Variants in ARHGEF18 observed in about 807,000 individuals in gnomAD.
ARHGEF18 encodes the protein rho guanine nucleotide exchange factor 18.
Under a neutral mutation model 155.7 loss-of-function variants are expected in ARHGEF18, and 93 were observed. That is an observed-to-expected ratio of 0.60 (90% CI 0.50 to 0.71). ARHGEF18 has a LOEUF of 0.71. Ranked by LOEUF, ARHGEF18 falls within the 30% of genes least tolerant of loss-of-function variation. The pLI is 0.00. For missense variants in ARHGEF18, 1,593 were observed against 1,816.1 expected (o/e 0.88, Z 2.23); for synonymous variants, 742 against 753.1 (o/e 0.99, Z 0.24).
Position 7,472,046 on chromosome 19 carries a change from G to C in ARHGEF18, c.*1748G>C, listed in dbSNP as rs1409033430. ...GTACATTCCTGTTCTGTTGTGAAGA[G>C]AACATTCCCAGACCCTGGCACCCTC... On this transcript the variant is annotated 3_prime_UTR_variant, in exon 29 of 29. Coordinates refer to ENST00000668164, the MANE Select transcript of ARHGEF18 (RefSeq NM_001367823.1). 6.6e-6 allele frequency: 1 copy of C among 152,468 alleles called. No homozygotes were observed. Among genetic ancestry groups the C allele is most frequent in the African/African-American group, 2.4e-5 (1 of 41,462 alleles). 9.4% of individuals were successfully genotyped at this position (152,468 alleles called of 1,614,324 possible). A position where few individuals can be genotyped will look rare whatever the true frequency, so the allele number is the denominator to read the frequency against.
intron 10 of ARHGEF18, chr19:7,439,880 G>C: frequency 1.4e-6 from 2 of 1,450,506 alleles, no homozygotes; most frequent in Non-Finnish European, 1.8e-6. Context: ...AGCCTGGAGG[G>C]GTTGTTTTTT....
At chr19:7,398,103 C>T (rs952056329) in intron 10 of ARHGEF18, among the ~76,000 whole-genome samples, 11 of 152,084 alleles carry the variant, frequency 7.2e-5, no homozygotes, top group African/African-American at 2.7e-4. Context: ...GAGACGGTCT[C>T]GCTCTGGCGC....
In ARHGEF18 at chr19:7,439,690, ACACCATGCCCTGCCATCTCTGGGTC is replaced by A. The variant is rs1162670217; in HGVS notation, c.968-653_968-629del. 5.7e-6 allele frequency: 7 copies of A among 1,235,190 alleles called. No individual in the cohort carries two copies. The Admixed American group carries it at 2.4e-4, about 42-fold the overall frequency. 76.5% of individuals were successfully genotyped at this position (1,235,190 alleles called of 1,614,324 possible). A position where few individuals can be genotyped will look rare whatever the true frequency, so the allele number is the denominator to read the frequency against. ...AGTGCTGATGACCAGGGGCGGCTAAACACCATGCCCTGCCATCTCTGGGTCTTAGAGTCACCCTAACATCTGATCT... is the reference window on the plus strand; with the variant it reads ...AGTGCTGATGACCAGGGGCGGCTAAATTAGAGTCACCCTAACATCTGATCT... On this transcript the variant is annotated intron_variant, in intron 10 of 28. Coordinates refer to ENST00000668164, the MANE Select transcript of ARHGEF18 (RefSeq NM_001367823.1).
intron 12 of ARHGEF18, 40 bp downstream of exon 12, chr19:7,441,805 C>T (rs755266732): frequency 1.2e-6 from 2 of 1,613,212 alleles, no homozygotes; most frequent in Middle Eastern, 1.6e-4. Context: ...CCACACAGTT[C>T]CTGTCTCTCC....
At chr19:7,358,967 CA>C (rs1969436050) in intron 1 of ARHGEF18, among the ~76,000 whole-genome samples, 1 of 152,176 alleles carries the variant, frequency 6.6e-6, no homozygotes, top group Non-Finnish European at 1.5e-5. Flanking sequence ...CATGGATCAG[CA>C]AACCTTTTCT....
intron 10 of ARHGEF18, among the ~76,000 whole-genome samples, chr19:7,387,449 G>A (rs1006744035): frequency 6.6e-6 from 1 of 152,100 alleles, no homozygotes; most frequent in African/African-American, 2.4e-5. Context: ...ACCGCGCCCA[G>A]CGCTGTTTTT....
intron 10 of ARHGEF18, among the ~76,000 whole-genome samples, chr19:7,436,864 A>C (rs11667083): frequency 0.4 from 61,250 of 151,988 alleles, 12,989 homozygotes; most frequent in East Asian, 0.6. Flanking sequence ...TTTGTGAGTG[A>C]CATCTTCAAT....
At chr19:7,404,204 G>A (rs1433587868) in intron 10 of ARHGEF18, among the ~76,000 whole-genome samples, 2 of 152,154 alleles carry the variant, frequency 1.3e-5, no homozygotes, top group Non-Finnish European at 2.9e-5. Context: ...CCTTGCCAGA[G>A]GCAGGTACGG....
At chr19:7,361,946 C>T (rs1969565307) in intron 1 of ARHGEF18, among the ~76,000 whole-genome samples, 1 of 150,458 alleles carries the variant, frequency 6.6e-6, no homozygotes, top group South Asian at 2.1e-4. Flanking sequence ...GAGCTGAGAT[C>T]ACGCCACTGC....
chr19:7,375,306 A>G (rs1389133477), intron 3 of ARHGEF18, among the ~76,000 whole-genome samples: 1 of 148,198 alleles, frequency 6.7e-6, no homozygotes, highest in East Asian at 2.0e-4. Flanking sequence ...AAGAAAGAAA[A>G]GAAAGAAAAA....
rs370608642 is a variant in ARHGEF18, at chr19:7,362,155, G to A, written c.-110-626G>A. Among the ~76,000 whole-genome samples the A allele has an allele frequency of 8.0e-4, 30 of 37,626 alleles. 1 individual carries two copies. The highest frequency in any genetic ancestry group is 3.9e-3 in the African/African-American group (18 of 4,580). 24.7% of individuals were successfully genotyped at this position (37,626 alleles called of 152,430 possible). A position where few individuals can be genotyped will look rare whatever the true frequency, so the allele number is the denominator to read the frequency against. Reference sequence around the variant, plus strand: ...GGAGAAGGAGAAGGAGAAGGAGAAGGAGGAGAAGAAGGAGAAGAAGGAGAA... The same window carrying A: ...GGAGAAGGAGAAGGAGAAGGAGAAGAAGGAGAAGAAGGAGAAGAAGGAGAA... On this transcript the variant is annotated intron_variant, in intron 1 of 28. Coordinates refer to ENST00000668164, the MANE Select transcript of ARHGEF18 (RefSeq NM_001367823.1).
intron 10 of ARHGEF18, among the ~76,000 whole-genome samples, chr19:7,424,918 C>T (rs1327737881): frequency 1.3e-5 from 2 of 150,988 alleles, no homozygotes; most frequent in African/African-American, 2.4e-5. Flanking sequence ...CGCTGGAACC[C>T]GGGAGGCAGA....
intron 10 of ARHGEF18, among the ~76,000 whole-genome samples, chr19:7,400,566 C>T (rs1464653622): frequency 1.3e-5 from 2 of 152,138 alleles, no homozygotes; most frequent in Non-Finnish European, 2.9e-5. Context: ...GGCACAGCAG[C>T]TCACACCTGT....
At chr19:7,411,083 A>C (rs1460162390) in intron 10 of ARHGEF18, among the ~76,000 whole-genome samples, 2 of 152,050 alleles carry the variant, frequency 1.3e-5, no homozygotes, top group Non-Finnish European at 2.9e-5. Flanking sequence ...AAATAGTGTG[A>C]AATTTGCACA....
At chr19:7,405,693 C>T (rs1404215859) in intron 10 of ARHGEF18, among the ~76,000 whole-genome samples, 1 of 152,150 alleles carries the variant, frequency 6.6e-6, no homozygotes, top group African/African-American at 2.4e-5. Flanking sequence ...TCACTGCAAC[C>T]TCTACCTGCC....
At chr19:7,383,714 C>T (rs1970855399) in intron 10 of ARHGEF18, among the ~76,000 whole-genome samples, 1 of 151,910 alleles carries the variant, frequency 6.6e-6, no homozygotes, top group African/African-American at 2.4e-5. Flanking sequence ...TAGGGGCCCA[C>T]CACACTCCAG....
chr19:7,467,681 C>T lies in ARHGEF18; in HGVS notation c.3477C>T (p.Ala1159=), dbSNP rs1976741234. Residue 1159 remains alanine, a synonymous_variant, in exon 26 of 29, where the codon GCC becomes GCT. Transcript: ENST00000668164. The part of the protein sequence containing the change: ...APGALPPDTL[A]EAQPPSHPPS... ...GCGCGCTGCCGCCCGACACACTGGCCGAGGTGAGCGCGCAGCAGCCAGTGT... is the reference window on the plus strand; with the variant it reads ...GCGCGCTGCCGCCCGACACACTGGCTGAGGTGAGCGCGCAGCAGCCAGTGT... The T allele has an allele frequency of 6.7e-7, 1 of 1,497,712 alleles. No homozygotes were observed. The highest frequency in any genetic ancestry group is 8.8e-7 in the Non-Finnish European group (1 of 1,132,476). 92.8% of individuals were successfully genotyped at this position (1,497,712 alleles called of 1,614,324 possible). A position where few individuals can be genotyped will look rare whatever the true frequency, so the allele number is the denominator to read the frequency against.
chr19:7,415,781 G>A (rs8103234), intron 10 of ARHGEF18, among the ~76,000 whole-genome samples: 17,404 of 151,982 alleles, frequency 0.11, 2,003 homozygotes, highest in African/African-American at 0.3. Context: ...CAAAACTACA[G>A]TTGAGCCTTG....
At chr19:7,476,976 G>C (rs1977244674), downstream of ARHGEF18, 1 of 414,034 alleles carries the variant, frequency 2.4e-6, no homozygotes, top group Non-Finnish European at 4.2e-6. Flanking sequence ...CCAGCTGGCA[G>C]GCAGGAGGTG....
Sources: gnomAD v4.1 joint callset for allele counts (sites outside exome capture counted in the v4.1 genomes callset) on GRCh38, gnomAD v4.1.1 for gene constraint, MANE v1.5 for transcripts, NCBI Gene and HGNC (gene_info 2026-07-23, HGNC 2026-07-21) for gene names.